RPS6KA2: variants seen among roughly 807,000 people sequenced by gnomAD.
RPS6KA2 encodes ribosomal protein S6 kinase A2, also known as ribosomal protein S6 kinase alpha-2.
RPS6KA2 carries 42 observed loss-of-function variants against 91.8 expected under a neutral mutation model. The observed-to-expected ratio is 0.46, with a 90% confidence interval of 0.36 to 0.59. RPS6KA2 has a LOEUF of 0.59. RPS6KA2 is among the 20% of genes least tolerant of loss of function. The pLI is 0.00. For synonymous variants in RPS6KA2, 414 were observed against 393.6 expected (o/e 1.05, Z -0.61); for missense variants, 798 against 978.5 (o/e 0.82, Z 2.46).
chr6:166,423,309 CCG>C lies in RPS6KA2; in HGVS notation c.1688_1689del (p.Ala563GlyfsTer26), dbSNP rs1554270769. The C allele has an allele frequency of 2.5e-6, 4 of 1,614,028 alleles. No individual in the cohort carries two copies. Among genetic ancestry groups the C allele is most frequent in the Non-Finnish European group, 3.4e-6 (4 of 1,179,968 alleles). On this transcript the variant is annotated frameshift_variant, in exon 17 of 21. Transcript: ENST00000265678. LOFTEE classifies it high-confidence loss of function. The surrounding 1 kb of genome is among the most constrained non-coding windows in gnomAD (Gnocchi z 4.8). ...CAGGGTGTCATGAGCAGCCCGTTCC[CCG>C]CGCGCAGCTGCTTGGCAAAGCCGAA... The part of the protein sequence containing the change: ...CDFGFAKQLR[A>X]GNGLLMTPCY...
intron 2 of RPS6KA2, among the ~76,000 whole-genome samples, chr6:166,824,330 C>T (rs1779980040): frequency 1.3e-5 from 2 of 152,316 alleles, no homozygotes; most frequent in African/African-American, 4.8e-5. Context: ...AGAGAAGCCG[C>T]CGTGTGGGGC....
chr6:166,509,796 T>C (rs1469380858), intron 4 of RPS6KA2, among the ~76,000 whole-genome samples: 2 of 152,216 alleles, frequency 1.3e-5, no homozygotes, highest in African/African-American at 4.8e-5. Flanking sequence ...GGTTAATTAT[T>C]TGAGCCTCAG....
At chr6:166,487,487 CA>C (rs1431898314) in intron 10 of RPS6KA2, among the ~76,000 whole-genome samples, 1 of 150,038 alleles carries the variant, frequency 6.7e-6, no homozygotes, top group African/African-American at 2.5e-5. Flanking sequence ...GCTGAGTGGA[CA>C]AAGGCGCTGA....
chr6:166,756,624 G>A (rs537861099), intron 2 of RPS6KA2, among the ~76,000 whole-genome samples: 174 of 152,248 alleles, frequency 1.1e-3, no homozygotes, highest in Admixed American at 3.3e-3. Flanking sequence ...AAGGTGGGTG[G>A]ATCACCTGAG....
intron 2 of RPS6KA2, among the ~76,000 whole-genome samples, chr6:166,844,736 C>T (rs1161606992): frequency 2.0e-5 from 3 of 152,178 alleles, no homozygotes; most frequent in Non-Finnish European, 2.9e-5. Context: ...GAATTTGCCA[C>T]TACCAAGCCA....
chr6:166,715,308 C>T (rs1021134451), intron 2 of RPS6KA2, among the ~76,000 whole-genome samples: 11 of 152,318 alleles, frequency 7.2e-5, no homozygotes, highest in East Asian at 3.9e-4. Context: ...CCATAGAAGC[C>T]GGGCCTTCTC....
chr6:166,817,876 C>T (rs964332803), intron 2 of RPS6KA2, among the ~76,000 whole-genome samples: 3 of 152,018 alleles, frequency 2.0e-5, no homozygotes, highest in African/African-American at 4.8e-5. Flanking sequence ...GCACACACCA[C>T]CACACCCAGC....
intron 2 of RPS6KA2, among the ~76,000 whole-genome samples, chr6:166,685,968 A>G (rs552139483): frequency 1.3e-5 from 2 of 152,332 alleles, no homozygotes; most frequent in African/African-American, 4.8e-5. Context: ...CAGAGGGCGA[A>G]CGAAGGGGCT....
intron 2 of RPS6KA2, among the ~76,000 whole-genome samples, chr6:166,531,753 T>C (rs755096614): frequency 1.3e-5 from 2 of 152,236 alleles, no homozygotes; most frequent in Non-Finnish European, 2.9e-5. Context: ...CTACTTTCTC[T>C]TACTTCAACT....
rs1180700500 is a variant in RPS6KA2 at position 166,640,640 on chromosome 6, C to A, written c.124-101856G>T. Among the ~76,000 whole-genome samples the A allele has an allele frequency of 3.3e-5, 5 of 152,358 alleles. No individual in the cohort carries two copies. The South Asian group carries it at 6.2e-4, about 19-fold the overall frequency. The stretch of plus-strand genomic sequence containing the variant: ...ATGCTAGATAAAACAAGGGGGAAAT[C>A]TCTTCTAATGAAGTGTGGCTGGTCC... On this transcript the variant is annotated intron_variant, in intron 2 of 21. Coordinates refer to the RPS6KA2 transcript ENST00000503859.
chr6:166,756,863 T>A (rs1047967834), intron 2 of RPS6KA2, among the ~76,000 whole-genome samples: 3 of 151,780 alleles, frequency 2.0e-5, no homozygotes, highest in Admixed American at 6.6e-5. Context: ...TAAAATAAAA[T>A]AAAAATAAAT....
At position 166,500,937 on chromosome 6, in the gene RPS6KA2, G is replaced by A. The variant is rs1782004864; in HGVS notation, c.567-13C>T. 2 of 1,613,300 alleles carry A rather than the reference G, an allele frequency of 1.2e-6. No individual in the cohort carries two copies. Among genetic ancestry groups the A allele is most frequent in the Non-Finnish European group, 1.7e-6 (2 of 1,179,370 alleles). ...ATCCAGGAGGATGCTAAAAGAAAGG[G>A]AGAGAAAACAGATGCTTTAGAAAGA... On this transcript the variant is annotated splice_polypyrimidine_tract_variant and intron_variant, in intron 6 of 20. Transcript: ENST00000265678. The surrounding 1 kb of genome is among the most constrained non-coding windows in gnomAD (Gnocchi z 4.3).
chr6:166,858,211 T>A, exon 2 of RPS6KA2: 1 of 1,533,214 alleles, frequency 6.5e-7, no homozygotes. Flanking sequence ...TCTTCTGCAG[T>A]GTCTTCTGTG....
At position 166,849,089 on chromosome 6, in the gene RPS6KA2, C is replaced by T. The variant is rs1780673264; in HGVS notation, c.123+9111G>A. 6.6e-6 allele frequency among the ~76,000 whole-genome samples: 1 copy of T among 152,142 alleles called. No homozygotes were observed. The highest frequency in any genetic ancestry group is 6.5e-5 in the Admixed American group (1 of 15,284). ...ATGCATCTCAGGCCAGCCTGGGCAG[C>T]CCCAGGCCTGCACATGGTTCCTGAA... On this transcript the variant is annotated intron_variant, in intron 2 of 21. Transcript: ENST00000503859. This position sits in a 1 kb window ranked among gnomAD's most constrained non-coding sequence, Gnocchi z 4.9.
chr6:166,770,873 CCA>C lies in RPS6KA2; in HGVS notation c.123+87325_123+87326del. ...AGGAACGCTTCTTACCTCTACGGAT[CCA>C]GCTACCTTTGTCTTGCAGGCAGCTG... On this transcript the variant is annotated intron_variant, in intron 2 of 21. Transcript: ENST00000503859. This position sits in a 1 kb window ranked among gnomAD's most constrained non-coding sequence, Gnocchi z 5.1. 1.3e-6 allele frequency: 2 copies of C among 1,596,506 alleles called. No individual in the cohort carries two copies. Among genetic ancestry groups the C allele is most frequent in the Non-Finnish European group, 1.7e-6 (2 of 1,179,382 alleles).
At chr6:166,771,403 A>G (rs1778469397) in intron 2 of RPS6KA2, among the ~76,000 whole-genome samples, 1 of 152,198 alleles carries the variant, frequency 6.6e-6, no homozygotes, top group South Asian at 2.1e-4. Flanking sequence ...TGCTTGGTCC[A>G]GGGCTTAAAC....
rs147594891 is a variant in RPS6KA2, at chr6:166,572,413, G to A, written c.100-33629C>T. On this transcript the variant is annotated intron_variant, in intron 1 of 20. Coordinates refer to ENST00000265678, the MANE Select transcript of RPS6KA2 (RefSeq NM_021135.6). ...AATAAACAGATATTGGTTTAGGAAG[G>A]TGGCTGGTGGCCTCTCAGGCTGGCT... Among the ~76,000 whole-genome samples the A allele has an allele frequency of 4.3e-4, 65 of 152,382 alleles. No homozygotes were observed. In the East Asian group the frequency reaches 0.012, roughly 28 times the overall value.
intron 1 of RPS6KA2, among the ~76,000 whole-genome samples, chr6:166,572,871 C>T (rs552705052): frequency 6.6e-5 from 10 of 152,350 alleles, no homozygotes; most frequent in South Asian, 2.1e-4. Context: ...TCTGCACGTT[C>T]GGGTCTACCC....
intron 1 of RPS6KA2, among the ~76,000 whole-genome samples, chr6:166,543,763 G>T (rs1783733823): frequency 1.3e-5 from 2 of 152,250 alleles, no homozygotes; most frequent in South Asian, 4.1e-4. Flanking sequence ...AGCAGGGGCT[G>T]CTCCCAGAGG....
Sources: gnomAD v4.1 joint callset for allele counts (sites outside exome capture counted in the v4.1 genomes callset) on GRCh38, gnomAD v4.1.1 for gene constraint, Gnocchi (gnomAD v3.1) non-coding constraint, MANE v1.5 for transcripts, NCBI Gene and HGNC (gene_info 2026-07-23, HGNC 2026-07-21) for gene names.